DUSP15: variants seen among roughly 807,000 people sequenced by gnomAD.
DUSP15 encodes dual specificity protein phosphatase 15.
A neutral mutation model predicts 26.3 loss-of-function variants in DUSP15; 23 were observed. That is an observed-to-expected ratio of 0.87 (90% CI 0.63 to 1.24). The LOEUF (loss-of-function observed/expected upper bound fraction) is 1.24, where lower values mean the gene tolerates loss of function less well. Among genes scored for constraint, DUSP15 ranks in the 50% most tolerant of loss-of-function variants. The pLI is 0.00. For missense variants in DUSP15, 364 were observed against 320.6 expected (o/e 1.14, Z -1.03); for synonymous variants, 143 against 135.5 (o/e 1.06, Z -0.39).
At chr20:31,869,055 G>C (rs1206749714) in intron 2 of DUSP15, among the ~76,000 whole-genome samples, 1 of 152,180 alleles carries the variant, frequency 6.6e-6, no homozygotes, top group Non-Finnish European at 1.5e-5. Context: ...TCACAAGAAG[G>C]CCCAGCCCAT....
chr20:31,857,429 T>C (rs535559111), downstream of DUSP15, among the ~76,000 whole-genome samples: 1 of 152,088 alleles, frequency 6.6e-6, no homozygotes, highest in East Asian at 1.9e-4. Context: ...AGTGGTAGGA[T>C]TACAGTTGAG....
Position 31,861,645 on chromosome 20 carries a change from C to A in DUSP15, c.466G>T (p.Glu156Ter), listed in dbSNP as rs561330207. The A allele has an allele frequency of 3.1e-4, 458 of 1,481,736 alleles. No individual in the cohort carries two copies. The African/African-American group carries it at 5.6e-3, about 18-fold the overall frequency. 91.8% of individuals were successfully genotyped at this position (1,481,736 alleles called of 1,614,324 possible). A position where few individuals can be genotyped will look rare whatever the true frequency, so the allele number is the denominator to read the frequency against. ...LRRQLEERFGESPFRDEEELR... is the reference protein window; with the variant it reads ...LRRQLEERFG ...TCCTCCTCGTCGCGGAAGGGGCTCT[C>A]GCCGAAGCGCTCCTCCAGCTGCCGG... Residue 156 changes from glutamate (E) to a stop codon, truncating the protein, a stop_gained, in exon 7 of 7, where the codon GAG (glutamate) becomes TAG (stop). Transcript: ENST00000339738. LOFTEE classifies it high-confidence loss of function.
chr20:31,866,685 C>A (rs2062773746), intron 3 of DUSP15, among the ~76,000 whole-genome samples: 1 of 152,226 alleles, frequency 6.6e-6, no homozygotes, highest in Non-Finnish European at 1.5e-5. Flanking sequence ...GATCAAAGCC[C>A]TAGAGAGGTG....
At chr20:31,849,884 G>T (rs1391496348) in intron 7 of DUSP15, 1 of 1,484,868 alleles carries the variant, frequency 6.7e-7, no homozygotes. Context: ...GCTGTGGGGC[G>T]AGAGAGGGTG....
chr20:31,850,230 C>A (rs575442164), intron 7 of DUSP15, among the ~76,000 whole-genome samples: 1 of 152,302 alleles, frequency 6.6e-6, no homozygotes, highest in South Asian at 2.1e-4. Flanking sequence ...AACAACCTAG[C>A]AGCGTCTCAT....
intron 2 of DUSP15, 92 bp downstream of exon 2, chr20:31,869,454 CCCTGCCCCCAACCCCATT>C (rs2062862760): frequency 6.9e-7 from 1 of 1,441,608 alleles, no homozygotes; most frequent in African/African-American, 1.4e-5. Context: ...GGGGCCGCTT[CCCTGCCCCCAACCCCATT>C]CCTGAGATGC....
downstream of DUSP15, among the ~76,000 whole-genome samples, chr20:31,860,847 C>G (rs2123240652): frequency 6.6e-6 from 1 of 152,178 alleles, no homozygotes; most frequent in South Asian, 2.1e-4. Flanking sequence ...AGGCGGGACA[C>G]CGTGGCTTTG....
intron 8 of DUSP15, among the ~76,000 whole-genome samples, chr20:31,849,159 C>T (rs2062419446): frequency 6.6e-6 from 1 of 152,030 alleles, no homozygotes; most frequent in South Asian, 2.1e-4. Context: ...CCAACCCATG[C>T]CCACTGCCAC....
At chr20:31,867,587 A>G (rs1434094780) in intron 2 of DUSP15, among the ~76,000 whole-genome samples, 2 of 149,424 alleles carry the variant, frequency 1.3e-5, no homozygotes, top group Admixed American at 1.3e-4. Context: ...GTGTGCCGCC[A>G]TTAAAAAGAG....
intron 2 of DUSP15, 26 bp downstream of exon 2, chr20:31,869,538 C>T (rs780111074): frequency 4.2e-5 from 67 of 1,608,356 alleles, no homozygotes; most frequent in Non-Finnish European, 5.3e-5. Context: ...GTGCCATGGC[C>T]TCGGGACAGA....
chr20:31,870,539 C>T, upstream of DUSP15: 1 of 1,452,530 alleles, frequency 6.9e-7, no homozygotes, highest in South Asian at 1.4e-5. The surrounding 1 kb of genome is among the most constrained non-coding windows in gnomAD (Gnocchi z 6.6). Flanking sequence ...GTGGTGGAGC[C>T]GCCGCTGCCA....
At chr20:31,863,259 T>C (rs893026068) in intron 5 of DUSP15, among the ~76,000 whole-genome samples, 3 of 151,964 alleles carry the variant, frequency 2.0e-5, no homozygotes, top group Non-Finnish European at 4.4e-5. Flanking sequence ...TAAGGGTTAG[T>C]CAGGAACCTT....
chr20:31,858,963 G>A (rs761900969), downstream of DUSP15, among the ~76,000 whole-genome samples: 2 of 152,182 alleles, frequency 1.3e-5, no homozygotes, highest in Non-Finnish European at 2.9e-5. The surrounding 1 kb of genome is among the most constrained non-coding windows in gnomAD (Gnocchi z 4.4). Flanking sequence ...GTAAATATTA[G>A]GAGTTCCCAC....
chr20:31,863,825 T>C lies in DUSP15; in HGVS notation c.263+82A>G, dbSNP rs937013275. 2.9e-5 allele frequency: 41 copies of C among 1,412,964 alleles called. No homozygotes were observed. In the African/African-American group the frequency reaches 5.1e-4, roughly 18 times the overall value. 87.5% of individuals were successfully genotyped at this position (1,412,964 alleles called of 1,614,324 possible). ...GAGAAGATCCCTCACAGGTCCAACCTTCCCACAGGGGGAGTGTGTGTTCAG... is the reference window on the plus strand; with the variant it reads ...GAGAAGATCCCTCACAGGTCCAACCCTCCCACAGGGGGAGTGTGTGTTCAG... On this transcript the variant is annotated intron_variant, in intron 5 of 6. Coordinates refer to ENST00000339738, the MANE Select transcript of DUSP15 (RefSeq NM_080611.5).
At chr20:31,848,062 A>G in exon 10 of DUSP15, 1 of 234,446 alleles carries the variant, frequency 4.3e-6, no homozygotes, top group East Asian at 1.0e-4. Flanking sequence ...ACTTTAAGCA[A>G]ACGTTTTAAT....
At chr20:31,868,360 C>T (rs1401270596) in intron 2 of DUSP15, among the ~76,000 whole-genome samples, 1 of 152,194 alleles carries the variant, frequency 6.6e-6, no homozygotes, top group Non-Finnish European at 1.5e-5. Flanking sequence ...CACCTGAGCC[C>T]CTCCCTCTCT....
chr20:31,856,233 G>C (rs765405249), downstream of DUSP15, among the ~76,000 whole-genome samples: 1 of 152,200 alleles, frequency 6.6e-6, no homozygotes, highest in Admixed American at 6.5e-5. Flanking sequence ...GAAACATTTA[G>C]AAATGAAAGG....
At chr20:31,862,503 T>C in intron 6 of DUSP15, 68 bp downstream of exon 6, 1 of 1,487,728 alleles carries the variant, frequency 6.7e-7, no homozygotes, top group Non-Finnish European at 9.0e-7. Context: ...TTCCAATCAG[T>C]GATCAGTTCG....
In DUSP15 at chr20:31,870,212, A is replaced by G. The variant is rs2062891567; in HGVS notation, c.21+105T>C. 8.2e-7 allele frequency: 1 copy of G among 1,225,672 alleles called. No homozygotes were observed. The allele number at this position is 1,225,672 out of a possible 1,614,324, so 75.9% of individuals were successfully genotyped here. On this transcript the variant is annotated intron_variant, in intron 1 of 6. Coordinates refer to ENST00000339738, the MANE Select transcript of DUSP15 (RefSeq NM_080611.5). This position sits in a 1 kb window ranked among gnomAD's most constrained non-coding sequence, Gnocchi z 6.6. ...GACACGGAGATGCCGCCGCACGGAG[A>G]CCGGCGAGAACAGAAGGTCAGAGGC... is the stretch of plus-strand genomic sequence containing the variant.
Sources: gnomAD v4.1 joint callset for allele counts (sites outside exome capture counted in the v4.1 genomes callset) on GRCh38, gnomAD v4.1.1 for gene constraint, Gnocchi (gnomAD v3.1) non-coding constraint, MANE v1.5 for transcripts, NCBI Gene and HGNC (gene_info 2026-07-23, HGNC 2026-07-21) for gene names.